The following UPP2 variants were observed in gnomAD, a reference collection of about 807,000 sequenced individuals.
UPP2 encodes UPase 2.
In UPP2, 23 loss-of-function variants were observed where a neutral mutation model predicts 26.7. The ratio of observed to expected loss-of-function variants is 0.86; its 90% CI spans 0.62 to 1.22. The LOEUF is 1.22. UPP2 is among the 50% of genes most tolerant of loss of function. The probability of loss-of-function intolerance (pLI) is 0.00; values close to 1 mark genes in which losing one functional copy is unlikely to be tolerated. For missense variants in UPP2, 387 were observed against 396.7 expected, an observed-to-expected ratio of 0.98 and a Z score of 0.21; for synonymous variants, 127 against 141.3, an observed-to-expected ratio of 0.90 and a Z score of 0.72.
chr2:158,017,308 C>G (rs980005397), intron 3 of UPP2, among the ~76,000 whole-genome samples: 4 of 152,028 alleles, frequency 2.6e-5, no homozygotes, highest in African/African-American at 7.3e-5. Flanking sequence ...ACTTTTATAG[C>G]AAAGGTGACC....
At chr2:158,059,072 T>C (rs1246481415) in intron 3 of UPP2, among the ~76,000 whole-genome samples, 1 of 152,218 alleles carries the variant, frequency 6.6e-6, no homozygotes, top group African/African-American at 2.4e-5. Context: ...GCTAAGCTAC[T>C]GATTCTCAGC....
rs1682659147 is a variant in UPP2, at chr2:158,078,083, TATC to T, written c.148-23953_148-23951del. 2.0e-5 allele frequency among the ~76,000 whole-genome samples: 3 copies of T among 152,076 alleles called. No individual in the cohort carries two copies. In the South Asian group the frequency reaches 6.2e-4, roughly 31 times the overall value. Reference sequence around the variant, plus strand: ...AATGCAAATCAAAACTACAATGAGATATCATCCCACCCCAATAAAAATGGCTTT... The same window carrying T: ...AATGCAAATCAAAACTACAATGAGATATCCCACCCCAATAAAAATGGCTTT... On this transcript the variant is annotated intron_variant, in intron 3 of 9. Coordinates refer to the UPP2 transcript ENST00000605860.
chr2:158,076,638 C>T (rs1384985677), intron 3 of UPP2, among the ~76,000 whole-genome samples: 1 of 151,862 alleles, frequency 6.6e-6, no homozygotes, highest in African/African-American at 2.4e-5. Context: ...GATAAAAATT[C>T]TCAAAAAACT....
intron 3 of UPP2, among the ~76,000 whole-genome samples, chr2:158,117,200 T>C (rs1227248488): frequency 6.6e-6 from 1 of 151,954 alleles, no homozygotes; most frequent in Non-Finnish European, 1.5e-5. Context: ...TTGATCCCTT[T>C]TCTGGTGACA....
intron 3 of UPP2, among the ~76,000 whole-genome samples, chr2:158,028,184 A>G (rs1402530797): frequency 6.6e-6 from 1 of 152,102 alleles, no homozygotes. Flanking sequence ...TTTCTATCAC[A>G]TTGTCAGGCT....
chr2:158,069,102 C>G (rs546241570), intron 3 of UPP2, among the ~76,000 whole-genome samples: 1 of 151,814 alleles, frequency 6.6e-6, no homozygotes, highest in South Asian at 2.1e-4. Context: ...CGATCAAACT[C>G]AAAATTTTAA....
At chr2:158,062,287 A>G (rs1682364339) in intron 3 of UPP2, among the ~76,000 whole-genome samples, 1 of 152,200 alleles carries the variant, frequency 6.6e-6, no homozygotes. Context: ...CACATTTTAA[A>G]TTACATTTAA....
At chr2:158,118,991 A>G (rs1454168704) in intron 4 of UPP2, among the ~76,000 whole-genome samples, 1 of 152,028 alleles carries the variant, frequency 6.6e-6, no homozygotes, top group East Asian at 1.9e-4. Flanking sequence ...ATCCATAGAG[A>G]GAAGTAGAGT....
At chr2:158,011,269 A>G (rs1350668592) in intron 2 of UPP2, among the ~76,000 whole-genome samples, 2 of 152,224 alleles carry the variant, frequency 1.3e-5, no homozygotes, top group Non-Finnish European at 2.9e-5. Context: ...AGACAGCCAG[A>G]AGGACAGAGG....
intron 2 of UPP2, among the ~76,000 whole-genome samples, chr2:157,997,724 C>A (rs1683343332): frequency 6.6e-6 from 1 of 152,142 alleles, no homozygotes; most frequent in African/African-American, 2.4e-5. Flanking sequence ...TGAAATAGCC[C>A]AGCCATTTCT....
chr2:158,077,662 G>T (rs184162896), intron 3 of UPP2, among the ~76,000 whole-genome samples: 3 of 151,970 alleles, frequency 2.0e-5, no homozygotes, highest in Non-Finnish European at 4.4e-5. Context: ...GACTTAAATC[G>T]AAGACCTAAA....
intron 3 of UPP2, among the ~76,000 whole-genome samples, chr2:158,042,415 C>A (rs535959437): frequency 6.6e-6 from 1 of 152,108 alleles, no homozygotes; most frequent in African/African-American, 2.4e-5. Context: ...TCACAGATGC[C>A]GCCCTTCCCC....
At chr2:158,027,212 A>G (rs1290532840) in intron 3 of UPP2, among the ~76,000 whole-genome samples, 1 of 152,156 alleles carries the variant, frequency 6.6e-6, no homozygotes, top group East Asian at 1.9e-4. Context: ...CCAAAGTCTC[A>G]TCTGAGACAA....
chr2:158,120,944 G>C (rs1683552372), intron 4 of UPP2, among the ~76,000 whole-genome samples: 1 of 151,972 alleles, frequency 6.6e-6, no homozygotes, highest in Non-Finnish European at 1.5e-5. Flanking sequence ...CAAGAGCCCT[G>C]ATTTACATGA....
intron 2 of UPP2, among the ~76,000 whole-genome samples, chr2:158,008,345 ATTAT>A (rs903063607): frequency 2.0e-5 from 3 of 152,230 alleles, no homozygotes; most frequent in Non-Finnish European, 4.4e-5. Flanking sequence ...GGAATGCTGA[ATTAT>A]TTACTGTATT....
chr2:158,118,071 G>A (rs1187127047), intron 4 of UPP2, 133 bp downstream of exon 4: 2 of 681,144 alleles, frequency 2.9e-6, no homozygotes, highest in African/African-American at 1.8e-5. Flanking sequence ...CTGGACTTGA[G>A]GAAACTTAAG....
chr2:158,011,601 C>A (rs908638850), intron 2 of UPP2, among the ~76,000 whole-genome samples: 2 of 143,126 alleles, frequency 1.4e-5, no homozygotes, highest in Non-Finnish European at 3.1e-5. Flanking sequence ...TGAAGGGAAC[C>A]AATCACTGTG....
At chr2:158,073,299 AG>A (rs1487498395) in intron 3 of UPP2, among the ~76,000 whole-genome samples, 1 of 152,114 alleles carries the variant, frequency 6.6e-6, no homozygotes, top group Non-Finnish European at 1.5e-5. Flanking sequence ...AAGAGACAAA[AG>A]AAAAAAGAAT....
chr2:158,013,196 A>G (rs1280819345), intron 2 of UPP2, among the ~76,000 whole-genome samples: 3 of 152,036 alleles, frequency 2.0e-5, no homozygotes, highest in Non-Finnish European at 4.4e-5. Context: ...GAGTCTCACT[A>G]TGTTGCACAG....
Sources: allele counts gnomAD v4.1 joint callset (sites outside exome capture counted in the v4.1 genomes callset), GRCh38; gene constraint gnomAD v4.1.1; transcripts MANE v1.5; gene names NCBI Gene and HGNC (gene_info 2026-07-23, HGNC 2026-07-21).